PIP5K1C: variants seen among roughly 807,000 people sequenced by gnomAD.
PIP5K1C encodes the protein phosphatidylinositol 4-phosphate 5-kinase type-1 gamma.
In PIP5K1C, 45 loss-of-function variants were observed where a neutral mutation model predicts 80.1. That is an observed-to-expected ratio of 0.56 (90% CI 0.44 to 0.72). The LOEUF (loss-of-function observed/expected upper bound fraction) is 0.72. Among genes scored for constraint, PIP5K1C ranks in the 30% least tolerant of loss-of-function variants. PIP5K1C has a pLI of 0.00. For missense variants in PIP5K1C, 753 were observed against 954.6 expected, an observed-to-expected ratio of 0.79 and a Z score of 2.78; for synonymous variants, 498 against 420.1, an observed-to-expected ratio of 1.19 and a Z score of -2.27.
chr19:3,652,117 C>T (rs552550761), intron 7 of PIP5K1C, 86 bp from the exon 8 acceptor site: 16 of 1,301,116 alleles, frequency 1.2e-5, no homozygotes, highest in East Asian at 4.7e-5. Flanking sequence ...GTTCCCAGCA[C>T]GGATGGCCCC....
At chr19:3,697,321 C>T (rs572889988) in intron 1 of PIP5K1C, among the ~76,000 whole-genome samples, 3 of 146,728 alleles carry the variant, frequency 2.0e-5, no homozygotes, top group Non-Finnish European at 3.0e-5. Flanking sequence ...CTGGGCCGGA[C>T]GGAGGAGGAC....
At chr19:3,654,750 G>A (rs1037558476) in intron 6 of PIP5K1C, among the ~76,000 whole-genome samples, 4 of 151,174 alleles carry the variant, frequency 2.6e-5, no homozygotes, top group Middle Eastern at 3.2e-3. Flanking sequence ...GGAGATGGAG[G>A]TTGCAGTGAG....
At chr19:3,677,989 GGATGGAGGGATGGACA>G (rs1460470408) in intron 1 of PIP5K1C, among the ~76,000 whole-genome samples, 4 of 125,748 alleles carry the variant, frequency 3.2e-5, no homozygotes, top group Admixed American at 7.4e-5. Context: ...GAGGGAAGGA[GGATGGAGGGATGGACA>G]GATGGAGGGA....
intron 1 of PIP5K1C, among the ~76,000 whole-genome samples, chr19:3,699,226 C>A (rs909655464): frequency 6.6e-6 from 1 of 151,078 alleles, no homozygotes; most frequent in Non-Finnish European, 1.5e-5. Context: ...ACCGGCTGCC[C>A]GCAAAGAAAG....
chr19:3,681,848 CCAGGGGGT>C (rs2035598844), intron 1 of PIP5K1C, among the ~76,000 whole-genome samples: 1 of 152,044 alleles, frequency 6.6e-6, no homozygotes, highest in African/African-American at 2.4e-5. Flanking sequence ...CAGATAAACT[CCAGGGGGT>C]CACTTAGCCA....
At chr19:3,664,640 A>G (rs889282366) in intron 3 of PIP5K1C, among the ~76,000 whole-genome samples, 182 bp downstream of exon 3, 2 of 152,234 alleles carry the variant, frequency 1.3e-5, no homozygotes, top group Admixed American at 6.5e-5. Flanking sequence ...CAAGGACAGC[A>G]AACAGTGGGG....
At chr19:3,650,489 G>C (rs928388943) in intron 8 of PIP5K1C, among the ~76,000 whole-genome samples, 6 of 152,248 alleles carry the variant, frequency 3.9e-5, no homozygotes, top group Admixed American at 2.6e-4. Flanking sequence ...TGTCACAACT[G>C]GGGGGTGCTC....
chr19:3,669,536 T>C (rs1214513629), intron 1 of PIP5K1C: 1 of 152,244 alleles, frequency 6.6e-6, no homozygotes, highest in Non-Finnish European at 1.5e-5. Flanking sequence ...AAAAAGTCTT[T>C]CTGGACCAAG....
chr19:3,683,237 G>A (rs1447765242), intron 1 of PIP5K1C, among the ~76,000 whole-genome samples: 1 of 152,206 alleles, frequency 6.6e-6, no homozygotes, highest in Non-Finnish European at 1.5e-5. Flanking sequence ...CTGCAACAGT[G>A]CAGACAGCAC....
At chr19:3,683,116 C>T (rs1351693325) in intron 1 of PIP5K1C, among the ~76,000 whole-genome samples, 1 of 152,144 alleles carries the variant, frequency 6.6e-6, no homozygotes. Context: ...GAGTCCCCTC[C>T]CTGGTCACCC....
At chr19:3,667,661 G>C (rs1348912692) in intron 1 of PIP5K1C, among the ~76,000 whole-genome samples, 17 of 152,232 alleles carry the variant, frequency 1.1e-4, no homozygotes, top group Non-Finnish European at 5.9e-5. Context: ...ACCCACCACG[G>C]AGGGCCTGGG....
intron 1 of PIP5K1C, among the ~76,000 whole-genome samples, chr19:3,697,342 C>A (rs1455902363): frequency 2.1e-5 from 3 of 145,550 alleles, no homozygotes; most frequent in African/African-American, 2.6e-5. Flanking sequence ...CGAGCTGGAC[C>A]GGGGAGGACC....
intron 8 of PIP5K1C, chr19:3,650,096 C>A: frequency 1.3e-5 from 2 of 156,624 alleles, no homozygotes; most frequent in Non-Finnish European, 2.8e-5. Context: ...CAGCTACACC[C>A]TGGTTGGGGC....
chr19:3,639,059 A>G (rs2033840535), intron 15 of PIP5K1C, 43 bp from the exon 16 acceptor site: 1 of 1,603,070 alleles, frequency 6.2e-7, no homozygotes, highest in African/African-American at 1.3e-5. Context: ...CTCAGGCCCC[A>G]CACGGAGACT....
rs1256453525 is a variant in PIP5K1C at position 3,700,410 on chromosome 19, CG to C, written c.-21del. On this transcript the variant is annotated 5_prime_UTR_variant, in exon 1 of 18. Coordinates refer to ENST00000335312, the MANE Select transcript of PIP5K1C (RefSeq NM_012398.3). ...CTCCATGGCCGCGCGCGGACGGCGGCGGGGGCGCCCGAGGGGGACCCGAGCT... is the reference window on the plus strand; with the variant it reads ...CTCCATGGCCGCGCGCGGACGGCGGCGGGGCGCCCGAGGGGGACCCGAGCT... The C allele has an allele frequency of 6.5e-6, 7 of 1,083,796 alleles. No homozygotes were observed. The highest frequency in any genetic ancestry group is 4.1e-4 in the Middle Eastern group (1 of 2,436). The allele number at this position is 1,083,796 out of a possible 1,614,324, so 67.1% of individuals were successfully genotyped here. A position where few individuals can be genotyped will look rare whatever the true frequency, so the allele number is the denominator to read the frequency against.
chr19:3,648,297 C>G lies in PIP5K1C; in HGVS notation c.1211+328G>C, dbSNP rs2034311637. On this transcript the variant is annotated intron_variant, in intron 9 of 17. Transcript: ENST00000335312. This position sits in a 1 kb window ranked among gnomAD's most constrained non-coding sequence, Gnocchi z 4.3. Reference sequence around the variant, plus strand: ...CTCGGCCTCCCACAGTGCTAGATTACAGGTGTGGACCACTACGCCCAACTC... The same window carrying G: ...CTCGGCCTCCCACAGTGCTAGATTAGAGGTGTGGACCACTACGCCCAACTC... 6.6e-6 allele frequency among the ~76,000 whole-genome samples: 1 copy of G among 152,234 alleles called. No homozygotes were observed. The highest frequency in any genetic ancestry group is 6.5e-5 in the Admixed American group (1 of 15,284).
chr19:3,676,774 C>G (rs1275208291), intron 1 of PIP5K1C, among the ~76,000 whole-genome samples: 1 of 151,844 alleles, frequency 6.6e-6, no homozygotes, highest in African/African-American at 2.4e-5. Flanking sequence ...AAAATACTAC[C>G]AAGAAAGAAA....
rs1251193072 is a variant in PIP5K1C, at chr19:3,630,893, G to C, written c.*2274C>G. The C allele has an allele frequency of 6.6e-6, 1 of 152,180 alleles. No individual in the cohort carries two copies. The allele number at this position is 152,180 out of a possible 1,614,324, so 9.4% of individuals were successfully genotyped here. A position where few individuals can be genotyped will look rare whatever the true frequency, so the allele number is the denominator to read the frequency against. On this transcript the variant is annotated 3_prime_UTR_variant, in exon 18 of 18. Coordinates refer to ENST00000335312, the MANE Select transcript of PIP5K1C (RefSeq NM_012398.3). ...CCTCCCTCGCGGGGGATCTGAGGGA[G>C]ACCGAGTTCGCTAAATATTATAAAT...
At chr19:3,666,057 C>T (rs1244202155) in intron 2 of PIP5K1C, among the ~76,000 whole-genome samples, 1 of 152,182 alleles carries the variant, frequency 6.6e-6, no homozygotes, top group East Asian at 1.9e-4. Flanking sequence ...GAATTCACCC[C>T]GCCACCCGGG....
Sources: allele counts gnomAD v4.1 joint callset (sites outside exome capture counted in the v4.1 genomes callset), GRCh38; gene constraint gnomAD v4.1.1; non-coding constraint Gnocchi (gnomAD v3.1); transcripts MANE v1.5; gene names NCBI Gene and HGNC (gene_info 2026-07-23, HGNC 2026-07-21).